GALNT14: variants seen among roughly 807,000 people sequenced by gnomAD.
GALNT14 encodes the protein polypeptide N-acetylgalactosaminyltransferase 14.
A neutral mutation model predicts 77.5 loss-of-function variants in GALNT14; 60 were observed. The observed-to-expected ratio is 0.77, with a 90% CI of 0.63 to 0.96. The LOEUF (loss-of-function observed/expected upper bound fraction) is 0.96. Among genes scored for constraint, GALNT14 ranks in the 40% least tolerant of loss-of-function variants. The pLI, the probability that GALNT14 is intolerant of heterozygous loss-of-function variation, is 0.00. For missense variants in GALNT14, 710 were observed against 731.0 expected (o/e 0.97, Z 0.33); for synonymous variants, 280 against 281.7 (o/e 0.99, Z 0.06).
chr2:31,129,333 A>G, intron 1 of GALNT14: 1 of 975,988 alleles, frequency 1.0e-6, no homozygotes, highest in Non-Finnish European at 1.2e-6. Flanking sequence ...ATGCTTTGTA[A>G]ACTGTAAAAC....
chr2:31,011,095 A>G (rs1670999057), intron 1 of GALNT14, among the ~76,000 whole-genome samples: 1 of 152,168 alleles, frequency 6.6e-6, no homozygotes, highest in Non-Finnish European at 1.5e-5. Context: ...GAGGGTGGAC[A>G]CCCACGAGAG....
chr2:31,089,662 A>G (rs1573332534), intron 1 of GALNT14, among the ~76,000 whole-genome samples: 2 of 152,072 alleles, frequency 1.3e-5, no homozygotes, highest in South Asian at 4.2e-4. Flanking sequence ...GCAGAGGGTT[A>G]TTTTCTAGAT....
intron 11 of GALNT14, among the ~76,000 whole-genome samples, chr2:30,927,910 C>G (rs1665486802): frequency 6.6e-6 from 1 of 152,120 alleles, no homozygotes; most frequent in Admixed American, 6.5e-5. Flanking sequence ...CACAGGAGGA[C>G]AGGGTGCAAA....
intron 1 of GALNT14, among the ~76,000 whole-genome samples, chr2:31,053,882 G>C (rs1338189930): frequency 6.6e-6 from 1 of 152,152 alleles, no homozygotes; most frequent in Non-Finnish European, 1.5e-5. Flanking sequence ...ATCAAGGCTG[G>C]TAAGACCCTT....
At chr2:31,030,429 T>C (rs779009425) in intron 1 of GALNT14, among the ~76,000 whole-genome samples, 1 of 152,140 alleles carries the variant, frequency 6.6e-6, no homozygotes, top group Non-Finnish European at 1.5e-5. Flanking sequence ...TAGAGGCTTA[T>C]AAAATTGTTG....
intron 1 of GALNT14, among the ~76,000 whole-genome samples, chr2:31,117,185 TAATTC>T (rs1297984014): frequency 3.9e-5 from 6 of 152,226 alleles, no homozygotes; most frequent in Non-Finnish European, 7.3e-5. Flanking sequence ...TCTCATCTCA[TAATTC>T]AATACAATCC....
At chr2:31,025,905 A>T (rs1164072623) in intron 1 of GALNT14, among the ~76,000 whole-genome samples, 1 of 152,204 alleles carries the variant, frequency 6.6e-6, no homozygotes, top group Admixed American at 6.5e-5. Context: ...TTTCTTTTTC[A>T]GGAAAGTTCA....
chr2:31,007,898 C>T (rs1001408149), intron 1 of GALNT14, among the ~76,000 whole-genome samples: 1 of 152,170 alleles, frequency 6.6e-6, no homozygotes, highest in Non-Finnish European at 1.5e-5. Flanking sequence ...CCTCTGCCTT[C>T]CTATGCCCTT....
At chr2:31,087,942 C>G (rs1676533102) in intron 1 of GALNT14, among the ~76,000 whole-genome samples, 1 of 152,202 alleles carries the variant, frequency 6.6e-6, no homozygotes, top group Non-Finnish European at 1.5e-5. Context: ...TCCCTCGCCC[C>G]TTTTCTGCAA....
At chr2:30,972,949 G>C (rs1668448202) in intron 2 of GALNT14, among the ~76,000 whole-genome samples, 1 of 152,168 alleles carries the variant, frequency 6.6e-6, no homozygotes, top group Non-Finnish European at 1.5e-5. Flanking sequence ...CCCTGGGTGA[G>C]GTGATTCATG....
intron 1 of GALNT14, among the ~76,000 whole-genome samples, chr2:31,061,900 G>A (rs188932048): frequency 6.6e-6 from 1 of 152,184 alleles, no homozygotes; most frequent in Non-Finnish European, 1.5e-5. Flanking sequence ...CCTCCCCCAG[G>A]TGCCTACTGC....
chr2:31,124,689 C>T (rs1421695150), intron 1 of GALNT14, among the ~76,000 whole-genome samples: 1 of 152,114 alleles, frequency 6.6e-6, no homozygotes, highest in Non-Finnish European at 1.5e-5. Flanking sequence ...GGTGCAATCT[C>T]GGCTCACTGC....
chr2:31,017,394 A>T (rs1434695926), intron 1 of GALNT14, among the ~76,000 whole-genome samples: 1 of 152,262 alleles, frequency 6.6e-6, no homozygotes, highest in Non-Finnish European at 1.5e-5. Context: ...TCTTAATGAC[A>T]GCTAAATTTA....
intron 1 of GALNT14, among the ~76,000 whole-genome samples, chr2:31,112,004 T>A (rs1237588366): frequency 6.6e-6 from 1 of 152,046 alleles, no homozygotes; most frequent in African/African-American, 2.4e-5. Context: ...GCTTTTTTTT[T>A]TTTTTTTCTT....
intron 1 of GALNT14, among the ~76,000 whole-genome samples, chr2:31,109,167 T>C (rs1455275338): frequency 6.6e-6 from 1 of 152,222 alleles, no homozygotes; most frequent in Admixed American, 6.5e-5. Context: ...GGAATGCAGC[T>C]GTTAGTTACT....
At chr2:31,021,292 T>C (rs948293789) in intron 1 of GALNT14, among the ~76,000 whole-genome samples, 1 of 152,102 alleles carries the variant, frequency 6.6e-6, no homozygotes, top group Non-Finnish European at 1.5e-5. Flanking sequence ...CAGCTGTTTT[T>C]TCTTTTCTTT....
chr2:30,900,891 A>G, the GALNT14 span, among the ~76,000 whole-genome samples: 1 of 152,170 alleles, frequency 6.6e-6, no homozygotes, highest in African/African-American at 2.4e-5. Context: ...GGGCCCTACT[A>G]TCGTTGTATG....
At position 30,986,540 on chromosome 2, in the gene GALNT14, G is replaced by A. The variant is rs536958157; in HGVS notation, c.299+6298C>T. On this transcript the variant is annotated intron_variant, in intron 2 of 14. Coordinates refer to ENST00000349752, the MANE Select transcript of GALNT14 (RefSeq NM_024572.4). ...GAAAATGAGGACTACTTGTTGAACC[G>A]GTCAATGCTTTATGTATTGAAATGT... Among the ~76,000 whole-genome samples, 25 of 152,230 alleles carry A rather than the reference G, an allele frequency of 1.6e-4. 1 individual carries two copies. The East Asian group carries it at 1.7e-3, about 11-fold the overall frequency.
chr2:30,915,579 A>T (rs1206165312), intron 13 of GALNT14, among the ~76,000 whole-genome samples: 2 of 152,204 alleles, frequency 1.3e-5, no homozygotes, highest in Non-Finnish European at 2.9e-5. Flanking sequence ...ACTTCCCAGA[A>T]GGGCCATGAT....
Sources: gnomAD v4.1 joint callset for allele counts (sites outside exome capture counted in the v4.1 genomes callset) on GRCh38, gnomAD v4.1.1 for gene constraint, MANE v1.5 for transcripts, NCBI Gene and HGNC (gene_info 2026-07-23, HGNC 2026-07-21) for gene names.